KDM2A: variants seen among roughly 807,000 people sequenced by gnomAD.
The protein encoded by KDM2A is lysine demethylase 2A, also known as lysine-specific demethylase 2A.
A neutral mutation model predicts 137.3 loss-of-function variants in KDM2A; 3 were observed. That is an observed-to-expected ratio of 0.02 (90% confidence interval 0.01 to 0.06). The LOEUF is 0.06. KDM2A is among the 10% of genes least tolerant of loss of function. The pLI, the probability that KDM2A is intolerant of heterozygous loss-of-function variation, is 1.00. For synonymous variants in KDM2A, 512 were observed against 541.5 expected (o/e 0.95, Z 0.76); for missense variants, 738 against 1,510.6 (o/e 0.49, Z 8.48).
intron 1 of KDM2A, 87 bp downstream of exon 1, chr11:67,120,136 C>T (rs1323362331): frequency 6.6e-6 from 1 of 152,132 alleles, no homozygotes. Context: ...TCTCTTTTTC[C>T]GATGGGTGAA....
Position 67,254,153 on chromosome 11 carries a change from G to T in KDM2A, c.3092-50G>T, listed in dbSNP as rs1359186471. 1.3e-6 allele frequency: 2 copies of T among 1,540,178 alleles called. No individual in the cohort carries two copies. Among genetic ancestry groups the T allele is most frequent in the Admixed American group, 1.8e-5 (1 of 57,080 alleles). On this transcript the variant is annotated intron_variant, in intron 19 of 20. Coordinates refer to ENST00000529006, the MANE Select transcript of KDM2A (RefSeq NM_012308.3). The surrounding 1 kb of genome is among the most constrained non-coding windows in gnomAD (Gnocchi z 4.7). ...TGTTGCTGCCTGGAGCCTTGAAGCTGGATTAGAGAATTGAGAGTTTTGATC... is the reference window on the plus strand; with the variant it reads ...TGTTGCTGCCTGGAGCCTTGAAGCTTGATTAGAGAATTGAGAGTTTTGATC...
intron 11 of KDM2A, among the ~76,000 whole-genome samples, chr11:67,229,366 A>G (rs564955362): frequency 2.0e-5 from 3 of 152,264 alleles, no homozygotes; most frequent in African/African-American, 7.2e-5. Context: ...AGTTTCCCCA[A>G]CATCTATCAG....
intron 2 of KDM2A, among the ~76,000 whole-genome samples, chr11:67,174,577 C>A (rs1266109480): frequency 1.3e-5 from 2 of 152,108 alleles, no homozygotes; most frequent in African/African-American, 2.4e-5. Context: ...GAGAGTGATA[C>A]AACTAATACT....
chr11:67,223,271 A>G (rs928187263), intron 10 of KDM2A, among the ~76,000 whole-genome samples: 7 of 152,092 alleles, frequency 4.6e-5, no homozygotes, highest in African/African-American at 1.7e-4. Flanking sequence ...GTAAAAAGCA[A>G]TGGGGTCAGG....
rs1331691430 is a variant in KDM2A at position 67,245,801 on chromosome 11, G to C, written c.1834-184G>C. 8.8e-6 allele frequency: 6 copies of C among 681,894 alleles called. No homozygotes were observed. The African/African-American group carries it at 9.1e-5, about 10-fold the overall frequency. The allele number at this position is 681,894 out of a possible 1,614,324, so 42.2% of individuals were successfully genotyped here. A position where few individuals can be genotyped will look rare whatever the true frequency, so the allele number is the denominator to read the frequency against. On this transcript the variant is annotated intron_variant, in intron 14 of 20. Transcript: ENST00000529006. The surrounding 1 kb of genome is among the most constrained non-coding windows in gnomAD (Gnocchi z 4.1). ...ACTAGTCTCTGGTGCCCAGGTGGTTGAGTCCTCCTCTTCCCCAGTCATTTT... is the reference window on the plus strand; with the variant it reads ...ACTAGTCTCTGGTGCCCAGGTGGTTCAGTCCTCCTCTTCCCCAGTCATTTT...
intron 2 of KDM2A, among the ~76,000 whole-genome samples, chr11:67,125,034 G>T (rs1476186615): frequency 2.0e-5 from 3 of 150,840 alleles, no homozygotes; most frequent in African/African-American, 7.3e-5. Context: ...ATTTTTTTTT[G>T]TATTTTTTAG....
At chr11:67,183,527 A>G (rs1857134496) in intron 5 of KDM2A, among the ~76,000 whole-genome samples, 2 of 152,232 alleles carry the variant, frequency 1.3e-5, no homozygotes, top group South Asian at 4.1e-4. Flanking sequence ...TCTGTCTGAT[A>G]CAACTATTTT....
chr11:67,232,311 T>G (rs903182046), intron 12 of KDM2A, among the ~76,000 whole-genome samples: 1 of 152,224 alleles, frequency 6.6e-6, no homozygotes, highest in Non-Finnish European at 1.5e-5. Flanking sequence ...CAAAAGTGAC[T>G]GATAGGAGTC....
intron 2 of KDM2A, among the ~76,000 whole-genome samples, chr11:67,140,462 T>C (rs1432400047): frequency 6.6e-6 from 1 of 151,828 alleles, no homozygotes; most frequent in Non-Finnish European, 1.5e-5. Flanking sequence ...TAAAAGAAGT[T>C]ACAAGTAGGC....
At chr11:67,200,246 C>G (rs1857584554) in intron 5 of KDM2A, among the ~76,000 whole-genome samples, 1 of 151,826 alleles carries the variant, frequency 6.6e-6, no homozygotes, top group Non-Finnish European at 1.5e-5. Context: ...GACGGAGTCT[C>G]TCTCTGTTGC....
chr11:67,226,581 G>T (rs1182130368), intron 10 of KDM2A, among the ~76,000 whole-genome samples: 1 of 151,962 alleles, frequency 6.6e-6, no homozygotes, highest in Non-Finnish European at 1.5e-5. Context: ...AATTAGCCGG[G>T]CGTGGTGGCG....
intron 2 of KDM2A, among the ~76,000 whole-genome samples, chr11:67,162,469 A>G (rs1731144960): frequency 6.6e-6 from 1 of 151,966 alleles, no homozygotes; most frequent in African/African-American, 2.4e-5. Context: ...CAGTGGCGTG[A>G]CCTCAGCTCA....
intron 2 of KDM2A, among the ~76,000 whole-genome samples, chr11:67,132,931 A>G (rs137984599): frequency 1.3e-5 from 2 of 152,312 alleles, no homozygotes; most frequent in East Asian, 3.9e-4. Flanking sequence ...GGTTATAGGT[A>G]GAAATGGAAA....
intron 5 of KDM2A, among the ~76,000 whole-genome samples, chr11:67,198,685 G>C (rs1203774139): frequency 6.6e-6 from 1 of 150,816 alleles, no homozygotes; most frequent in Non-Finnish European, 1.5e-5. Flanking sequence ...ACTCCAGCCT[G>C]GGTGACAGAG....
intron 12 of KDM2A, among the ~76,000 whole-genome samples, chr11:67,240,615 C>T (rs969136435): frequency 6.6e-6 from 1 of 152,204 alleles, no homozygotes; most frequent in Non-Finnish European, 1.5e-5. Flanking sequence ...TTCTCTTTCC[C>T]TTCCTGTGAT....
intron 2 of KDM2A, among the ~76,000 whole-genome samples, chr11:67,142,548 A>C (rs1039762855): frequency 2.2e-3 from 159 of 71,262 alleles, no homozygotes; most frequent in African/African-American, 6.7e-3. Context: ...CTACTGGTGA[A>C]GTTGGCCGGG....
intron 2 of KDM2A, among the ~76,000 whole-genome samples, chr11:67,161,683 A>C (rs77817849): frequency 2.0e-5 from 3 of 152,144 alleles, no homozygotes; most frequent in Non-Finnish European, 2.9e-5. Context: ...GGTTCTCAAC[A>C]TGTGGTCTGG....
chr11:67,173,932 G>A (rs2136328906), intron 2 of KDM2A, among the ~76,000 whole-genome samples: 1 of 151,652 alleles, frequency 6.6e-6, no homozygotes, highest in Non-Finnish European at 1.5e-5. Context: ...GGCTGGTCTT[G>A]AGCTCCTGGC....
chr11:67,203,324 A>G (rs1001813353), intron 5 of KDM2A, among the ~76,000 whole-genome samples: 1 of 151,660 alleles, frequency 6.6e-6, no homozygotes, highest in African/African-American at 2.4e-5. Context: ...TTACTGGAAT[A>G]GTTGCTTTAT....
Sources: allele counts gnomAD v4.1 joint callset (sites outside exome capture counted in the v4.1 genomes callset), GRCh38; gene constraint gnomAD v4.1.1; non-coding constraint Gnocchi (gnomAD v3.1); transcripts MANE v1.5; gene names NCBI Gene and HGNC (gene_info 2026-07-23, HGNC 2026-07-21).